ARHGAP39: variants seen among roughly 807,000 people sequenced by gnomAD.
ARHGAP39 encodes rho GTPase-activating protein 39.
Under a neutral mutation model 106.9 loss-of-function variants are expected in ARHGAP39, and 44 were observed. The ratio of observed to expected loss-of-function variants is 0.41; its 90% CI spans 0.32 to 0.53. The LOEUF (loss-of-function observed/expected upper bound fraction) is 0.53. Ranked by LOEUF, ARHGAP39 falls within the 20% of genes least tolerant of loss-of-function variation. The pLI is 0.21. For missense variants in ARHGAP39, 1,496 were observed against 1,577.3 expected (o/e 0.95, Z 0.87); for synonymous variants, 768 against 693.2 (o/e 1.11, Z -1.69).
Position 144,537,726 on chromosome 8 carries a change from G to A in ARHGAP39, c.2609C>T (p.Pro870Leu), listed in dbSNP as rs145613233. The change falls in exon 7 of 12, where the codon CCG becomes CTG. Residue 870 changes from proline (P) to leucine (L), a missense_variant. Pro to Leu is a moderately conservative substitution (Grantham distance 98, BLOSUM62 -3). Around this residue, in one of 4 missense-constraint regions of ARHGAP39, gnomAD observed 470 missense variants for 605.1 expected, o/e 0.78. Transcript: ENST00000377307. ...RKKPKPYVEEPDGVAISTYAK... is the reference protein window; with the variant it reads ...RKKPKPYVEELDGVAISTYAK... ...GCTGCGGGGAGAGGCCCTACCATCCGGCTCTTCAACATAAGGCTTGGGTTT... is the reference window on the plus strand; with the variant it reads ...GCTGCGGGGAGAGGCCCTACCATCCAGCTCTTCAACATAAGGCTTGGGTTT... 9.9e-6 allele frequency: 16 copies of A among 1,613,372 alleles called. No homozygotes were observed. The highest frequency in any genetic ancestry group is 1.4e-5 in the Non-Finnish European group (16 of 1,179,580).
In ARHGAP39 at chr8:144,545,413, A is replaced by G; in HGVS notation, c.2357T>C (p.Ile786Thr). 1 of 1,583,654 alleles carries G rather than the reference A, an allele frequency of 6.3e-7. No homozygotes were observed. The highest frequency in any genetic ancestry group is 8.6e-7 in the Non-Finnish European group (1 of 1,163,296). ...SVQGLRDELY[I>T]QLCRQTTENF... ...CTCGGTGGTCTGCCGGCACAGCTGGATGTAGAGCTCGTCCCGCAGGCCCTG... is the reference window on the plus strand; with the variant it reads ...CTCGGTGGTCTGCCGGCACAGCTGGGTGTAGAGCTCGTCCCGCAGGCCCTG... Residue 786 changes from isoleucine to threonine, a missense_variant, in exon 6 of 12, where the codon ATC becomes ACC. Physicochemically the swap from Ile to Thr is moderately conservative, Grantham distance 89. This residue lies in a region of ARHGAP39 where 470 missense variants were observed against 605.1 expected (regional missense o/e 0.78). Coordinates refer to ENST00000377307, the MANE Select transcript of ARHGAP39 (RefSeq NM_025251.3).
At chr8:144,654,884 A>G (rs1341296242) in intron 1 of ARHGAP39, among the ~76,000 whole-genome samples, 2 of 150,790 alleles carry the variant, frequency 1.3e-5, no homozygotes, top group Non-Finnish European at 3.0e-5. Context: ...CGCCCAAACC[A>G]TGGCTGCAGA....
At chr8:144,689,835 T>C (rs1156753323), upstream of ARHGAP39, among the ~76,000 whole-genome samples, 3 of 147,416 alleles carry the variant, frequency 2.0e-5, no homozygotes, top group Non-Finnish European at 3.0e-5. Context: ...AACTTCCGCC[T>C]CCTGGGTTCA....
At chr8:144,594,520 C>A (rs932832075) in intron 2 of ARHGAP39, among the ~76,000 whole-genome samples, 2 of 151,894 alleles carry the variant, frequency 1.3e-5, no homozygotes, top group African/African-American at 4.8e-5. Context: ...CATGGTGAAA[C>A]CCCGTCTCTA....
At chr8:144,695,360 C>G in the ARHGAP39 span, among the ~76,000 whole-genome samples, 1 of 151,270 alleles carries the variant, frequency 6.6e-6, no homozygotes, top group Admixed American at 6.6e-5. Flanking sequence ...AGGTGTGAAC[C>G]ACTGCGCCTG....
rs765769497 is a variant in ARHGAP39 at position 144,537,749 on chromosome 8, TTTCTTTCTCAATTTGG to T, written c.2570_2585del (p.Ser857TyrfsTer14). 7.4e-6 allele frequency: 12 copies of T among 1,613,698 alleles called. No homozygotes were observed. Among genetic ancestry groups the T allele is most frequent in the Non-Finnish European group, 1.0e-5 (12 of 1,179,864 alleles). On this transcript the variant is annotated frameshift_variant, in exon 7 of 12. Transcript: ENST00000377307. LOFTEE classifies it high-confidence loss of function. ...CCGGCTCTTCAACATAAGGCTTGGG[TTTCTTTCTCAATTTGG>T]ACTTCTTCTTAGTGTTTCTTTCCAG... is the stretch of plus-strand genomic sequence containing the variant.
chr8:144,685,205 C>A (rs1822551218), intron 1 of ARHGAP39, among the ~76,000 whole-genome samples: 1 of 150,516 alleles, frequency 6.6e-6, no homozygotes, highest in African/African-American at 2.4e-5. Flanking sequence ...GACACACCCA[C>A]ACTCCCCTCG....
intron 5 of ARHGAP39, 28 bp from the exon 6 acceptor site, chr8:144,545,838 T>C (rs1337908860): frequency 6.8e-7 from 1 of 1,463,602 alleles, no homozygotes; most frequent in Admixed American, 2.2e-5. Flanking sequence ...GGCTGGGCTG[T>C]TGGGGGTGGG....
intron 2 of ARHGAP39, among the ~76,000 whole-genome samples, chr8:144,598,048 G>A (rs72697663): frequency 0.041 from 6,317 of 152,290 alleles, 181 homozygotes; most frequent in Non-Finnish European, 0.063. Context: ...AGACCCACCC[G>A]CCAGCAGGGA....
At chr8:144,659,279 C>A (rs528515394) in intron 1 of ARHGAP39, among the ~76,000 whole-genome samples, 1 of 152,322 alleles carries the variant, frequency 6.6e-6, no homozygotes, top group South Asian at 2.1e-4. Flanking sequence ...AGCCTAACCA[C>A]ACATTCACAC....
chr8:144,692,701 C>T, the ARHGAP39 span, among the ~76,000 whole-genome samples: 1 of 150,872 alleles, frequency 6.6e-6, no homozygotes, highest in Non-Finnish European at 1.5e-5. Context: ...ACTAGCTAAA[C>T]CATCATAAAA....
At chr8:144,565,056 G>A (rs1239727711) in intron 3 of ARHGAP39, among the ~76,000 whole-genome samples, 1 of 151,828 alleles carries the variant, frequency 6.6e-6, no homozygotes, top group Non-Finnish European at 1.5e-5. Context: ...GTTGCCGTGA[G>A]CCGAGATTGC....
rs574202459 is a variant in ARHGAP39 at position 144,601,693 on chromosome 8, C to CAGGTGTGGTGTGTGT, written c.80+3841_80+3842insACACACACCACACCT. ...GCGTGCGAGCTCATGTACCTGTGTG[C>CAGGTGTGGTGTGTGT]ATGTGTGTGGTGTGTGTGTGAGCTC... On this transcript the variant is annotated intron_variant, in intron 2 of 11. Transcript: ENST00000377307. Among the ~76,000 whole-genome samples the CAGGTGTGGTGTGTGT allele has an allele frequency of 2.3e-3, 248 of 109,624 alleles. 2 individuals carry two copies. The highest frequency in any genetic ancestry group is 8.8e-3 in the African/African-American group (244 of 27,600). The allele number at this position is 109,624 out of a possible 152,430, so 71.9% of individuals were successfully genotyped here.
rs1820224733 is a variant in ARHGAP39, at chr8:144,604,874, GC to G, written c.80+660del. ...TTCAGAGGCGACGGGAGCAATGCTA[GC>G]CACAGGGTCTCTGGGCAAGGGCACT... is the stretch of plus-strand genomic sequence containing the variant. On this transcript the variant is annotated intron_variant, in intron 2 of 11. Coordinates refer to ENST00000377307, the MANE Select transcript of ARHGAP39 (RefSeq NM_025251.3). The surrounding 1 kb of genome is among the most constrained non-coding windows in gnomAD (Gnocchi z 4.1). Among the ~76,000 whole-genome samples, 2 of 152,240 alleles carry G rather than the reference GC, an allele frequency of 1.3e-5. No homozygotes were observed. Among genetic ancestry groups the G allele is most frequent in the African/African-American group, 4.8e-5 (2 of 41,462 alleles).
chr8:144,530,365 C>G lies in ARHGAP39; in HGVS notation c.*57G>C. 1 of 1,512,428 alleles carries G rather than the reference C, an allele frequency of 6.6e-7. No individual in the cohort carries two copies. The highest frequency in any genetic ancestry group is 1.2e-5 in the South Asian group (1 of 81,064). 93.7% of individuals were successfully genotyped at this position (1,512,428 alleles called of 1,614,324 possible). A position where few individuals can be genotyped will look rare whatever the true frequency, so the allele number is the denominator to read the frequency against. The stretch of plus-strand genomic sequence containing the variant: ...GGCCCCTCTGCCGGGAGAGCGAGTG[C>G]GGAGTTCGGCCTGGCTGGGGGCGGC... On this transcript the variant is annotated 3_prime_UTR_variant, in exon 12 of 12. Coordinates refer to ENST00000377307, the MANE Select transcript of ARHGAP39 (RefSeq NM_025251.3).
At chr8:144,678,421 T>G (rs921610007) in intron 1 of ARHGAP39, among the ~76,000 whole-genome samples, 1 of 151,812 alleles carries the variant, frequency 6.6e-6, no homozygotes, top group Admixed American at 6.6e-5. Context: ...AAGGCAGCGA[T>G]CCAGGAGGCG....
chr8:144,545,919 G>T, intron 5 of ARHGAP39, 109 bp from the exon 6 acceptor site: 1 of 951,668 alleles, frequency 1.1e-6, no homozygotes, highest in Non-Finnish European at 1.5e-6. Context: ...ACCAGAGCCA[G>T]CCAGGTGAGA....
At chr8:144,633,253 T>C (rs1419389809) in intron 1 of ARHGAP39, among the ~76,000 whole-genome samples, 2 of 152,104 alleles carry the variant, frequency 1.3e-5, no homozygotes, top group Non-Finnish European at 2.9e-5. Flanking sequence ...GGTCAGGAGA[T>C]TGGGACCATC....
Position 144,547,810 on chromosome 8 carries a change from A to T in ARHGAP39, c.1276T>A (p.Ser426Thr), listed in dbSNP as rs1380860523. ...HKYAPNPGGG[S>T]YSLQPSPCLL... ...CAGGGGCTGGGCTGCAAGGAGTACGAACCACCGCCGGGGTTGGGCGCGTAC... is the reference window on the plus strand; with the variant it reads ...CAGGGGCTGGGCTGCAAGGAGTACGTACCACCGCCGGGGTTGGGCGCGTAC... The change falls in exon 5 of 12, where the codon TCG becomes ACG. Residue 426 changes from serine (S) to threonine (T), a missense_variant. Ser to Thr is a moderately conservative substitution (Grantham distance 58). Transcript: ENST00000377307. The surrounding 1 kb of genome is among the most constrained non-coding windows in gnomAD (Gnocchi z 5.2). 3.8e-6 allele frequency: 6 copies of T among 1,592,686 alleles called. No homozygotes were observed. The South Asian group carries it at 5.6e-5, about 15-fold the overall frequency.
Sources: gnomAD v4.1 joint callset for allele counts (sites outside exome capture counted in the v4.1 genomes callset) on GRCh38, gnomAD v4.1.1 for gene constraint, gnomAD v4.1.1 regional missense constraint, Gnocchi (gnomAD v3.1) non-coding constraint, MANE v1.5 for transcripts, NCBI Gene and HGNC (gene_info 2026-07-23, HGNC 2026-07-21) for gene names.